MAGI2: variants seen among roughly 807,000 people sequenced by gnomAD.
The protein encoded by MAGI2 is membrane associated guanylate kinase, WW and PDZ domain containing 2, also known as membrane-associated guanylate kinase, WW and PDZ domain-containing protein 2.
Under a neutral mutation model 133.3 loss-of-function variants are expected in MAGI2, and 35 were observed. That is an observed-to-expected ratio of 0.26 (90% confidence interval 0.20 to 0.35). The LOEUF is 0.35. Among genes scored for constraint, MAGI2 ranks in the 10% least tolerant of loss-of-function variants. The pLI is 1.00. For synonymous variants in MAGI2, 729 were observed against 710.6 expected (o/e 1.03, Z -0.41); for missense variants, 1,636 against 1,863.4 (o/e 0.88, Z 2.25).
intron 1 of MAGI2, among the ~76,000 whole-genome samples, chr7:79,386,220 G>C (rs751312779): frequency 6.6e-6 from 1 of 151,930 alleles, no homozygotes; most frequent in African/African-American, 2.4e-5. Context: ...CTGTAGGTAC[G>C]TCAAAATTGA....
At chr7:78,908,544 A>C (rs950303148) in intron 2 of MAGI2, among the ~76,000 whole-genome samples, 4 of 152,220 alleles carry the variant, frequency 2.6e-5, no homozygotes, top group Non-Finnish European at 2.9e-5. Context: ...AAGGGTGAGA[A>C]ATTCATTACA....
intron 2 of MAGI2, among the ~76,000 whole-genome samples, chr7:78,768,117 C>T (rs1364461770): frequency 1.3e-5 from 2 of 152,150 alleles, no homozygotes; most frequent in African/African-American, 2.4e-5. Flanking sequence ...AATATGAGTG[C>T]CATCCATCTT....
intron 9 of MAGI2, among the ~76,000 whole-genome samples, chr7:78,333,127 C>T (rs1282427793): frequency 1.3e-5 from 2 of 152,138 alleles, no homozygotes; most frequent in Admixed American, 1.3e-4. Context: ...ATTCCTATAA[C>T]CACTTCCTTT....
intron 2 of MAGI2, among the ~76,000 whole-genome samples, chr7:78,716,288 A>T (rs1819694364): frequency 6.6e-6 from 1 of 152,204 alleles, no homozygotes; most frequent in Non-Finnish European, 1.5e-5. Context: ...GAGATGGCTT[A>T]CTATTATAGT....
chr7:78,522,844 A>C (rs6959536), intron 3 of MAGI2, among the ~76,000 whole-genome samples: 103,736 of 152,036 alleles, frequency 0.68, 35,861 homozygotes, highest in African/African-American at 0.8. Flanking sequence ...CACTTACTTG[A>C]TCACTCATTA....
intron 21 of MAGI2, chr7:78,035,192 A>ACGGTGGC (rs1810055942): frequency 6.5e-6 from 1 of 153,822 alleles, no homozygotes. Flanking sequence ...ATGAGGAGCC[A>ACGGTGGC]CGGTGGCCGG....
intron 1 of MAGI2, among the ~76,000 whole-genome samples, chr7:79,077,574 C>CAAAAAAAA (rs769770373): frequency 3.8e-4 from 9 of 23,766 alleles, no homozygotes; most frequent in African/African-American, 1.2e-3. Flanking sequence ...GACTGCCTCT[C>CAAAAAAAA]AAAAAAAAAA....
chr7:78,544,716 A>T (rs1798678038), intron 3 of MAGI2, among the ~76,000 whole-genome samples: 1 of 152,256 alleles, frequency 6.6e-6, no homozygotes, highest in East Asian at 1.9e-4. Flanking sequence ...CAGGTGACTC[A>T]GTCACTCAAT....
At chr7:78,595,375 A>AC (rs932160789) in intron 3 of MAGI2, among the ~76,000 whole-genome samples, 2 of 152,186 alleles carry the variant, frequency 1.3e-5, no homozygotes, top group African/African-American at 4.8e-5. Flanking sequence ...AAGAAATTGT[A>AC]CTGTTTTCTG....
At chr7:78,804,745 T>C (rs368825918) in intron 2 of MAGI2, among the ~76,000 whole-genome samples, 2,043 of 19,008 alleles carry the variant, frequency 0.11, 46 homozygotes, top group Admixed American at 0.33. Context: ...CGAGACTCTG[T>C]CTCAAAAAAA....
At chr7:78,483,314 T>C (rs35454028) in intron 6 of MAGI2, among the ~76,000 whole-genome samples, 61,982 of 151,360 alleles carry the variant, frequency 0.41, 13,533 homozygotes, top group East Asian at 0.68. Context: ...GGAGAAATGA[T>C]AATATACAAT....
At chr7:78,512,695 A>C (rs540633297) in intron 4 of MAGI2, among the ~76,000 whole-genome samples, 2 of 152,170 alleles carry the variant, frequency 1.3e-5, no homozygotes, top group Non-Finnish European at 2.9e-5. Context: ...AGCAAATTAC[A>C]TCTCTTCTAT....
intron 1 of MAGI2, among the ~76,000 whole-genome samples, chr7:79,301,664 G>C (rs1434305045): frequency 1.3e-5 from 2 of 152,180 alleles, no homozygotes; most frequent in Non-Finnish European, 2.9e-5. Flanking sequence ...ACTTTGAGGA[G>C]CTATTGGGAG....
At chr7:78,328,255 C>G (rs1788788070) in intron 9 of MAGI2, among the ~76,000 whole-genome samples, 1 of 151,978 alleles carries the variant, frequency 6.6e-6, no homozygotes, top group Non-Finnish European at 1.5e-5. Context: ...AGGACTTACG[C>G]CTTGATGAAA....
rs1457653234 is a variant in MAGI2 at position 78,731,687 on chromosome 7, C to T, written c.419-104448G>A. 4.6e-5 allele frequency among the ~76,000 whole-genome samples: 7 copies of T among 152,134 alleles called. 1 individual carries two copies. Among genetic ancestry groups the T allele is most frequent in the Admixed American group, 4.6e-4 (7 of 15,276 alleles). ...TTCAGAAATAATGAAATACAAAAAT[C>T]TTCCACTCTTCAGTATCCAATTTTT... On this transcript the variant is annotated intron_variant, in intron 2 of 21. Coordinates refer to ENST00000354212, the MANE Select transcript of MAGI2 (RefSeq NM_012301.4).
chr7:79,283,879 T>G (rs1266574445), intron 1 of MAGI2, among the ~76,000 whole-genome samples: 1 of 152,114 alleles, frequency 6.6e-6, no homozygotes, highest in African/African-American at 2.4e-5. Context: ...GATCAGAAGG[T>G]GGTCCCATAA....
chr7:79,341,051 T>C (rs1449386862), intron 1 of MAGI2, among the ~76,000 whole-genome samples: 1 of 152,162 alleles, frequency 6.6e-6, no homozygotes. Context: ...TGTCTGCATC[T>C]GAATACACAG....
intron 3 of MAGI2, among the ~76,000 whole-genome samples, chr7:78,573,969 G>A (rs961036399): frequency 6.6e-6 from 1 of 152,122 alleles, no homozygotes; most frequent in African/African-American, 2.4e-5. Flanking sequence ...CTGCCCCTGG[G>A]TATGCCCATG....
At chr7:78,200,309 T>C (rs991509528) in intron 11 of MAGI2, among the ~76,000 whole-genome samples, 7 of 152,184 alleles carry the variant, frequency 4.6e-5, no homozygotes, top group African/African-American at 1.7e-4. Flanking sequence ...GGGCAATTAA[T>C]AGTTTCAATC....
Sources: allele counts gnomAD v4.1 joint callset (sites outside exome capture counted in the v4.1 genomes callset), GRCh38; gene constraint gnomAD v4.1.1; transcripts MANE v1.5; gene names NCBI Gene and HGNC (gene_info 2026-07-23, HGNC 2026-07-21).